The following TOGARAM1 variants were observed in gnomAD, a reference collection of about 807,000 sequenced individuals.
TOGARAM1 encodes the protein TOG array regulator of axonemal microtubules protein 1.
TOGARAM1 carries 100 observed loss-of-function variants against 166.6 expected under a neutral mutation model. The observed-to-expected ratio is 0.60, with a 90% confidence interval of 0.51 to 0.71. The LOEUF is 0.71. Ranked by LOEUF, TOGARAM1 falls within the 30% of genes least tolerant of loss-of-function variation. The pLI is 0.00. For synonymous variants in TOGARAM1, 758 were observed against 763.8 expected, an observed-to-expected ratio of 0.99 and a Z score of 0.13; for missense variants, 2,029 against 2,102.7, an observed-to-expected ratio of 0.96 and a Z score of 0.69.
intron 2 of TOGARAM1, among the ~76,000 whole-genome samples, chr14:44,997,616 A>G (rs982962438): frequency 3.9e-5 from 6 of 152,086 alleles, no homozygotes; most frequent in Non-Finnish European, 5.9e-5. Context: ...GGTCATTGTC[A>G]TTGACCATAA....
intron 11 of TOGARAM1, among the ~76,000 whole-genome samples, chr14:45,039,856 A>T (rs997835678): frequency 6.6e-6 from 1 of 152,054 alleles, no homozygotes; most frequent in Non-Finnish European, 1.5e-5. Context: ...CATGGCTCCC[A>T]CCTGTTCCTG....
chr14:45,055,999 C>G (rs114669325), intron 16 of TOGARAM1, among the ~76,000 whole-genome samples: 2,848 of 150,588 alleles, frequency 0.019, 33 homozygotes, highest in African/African-American at 0.038. Context: ...TTATTCTGAT[C>G]CATGAACCTG....
chr14:44,963,468 G>T lies in TOGARAM1; in HGVS notation c.1047G>T (p.Gly349=), dbSNP rs146726595. The change falls in exon 1 of 20, where the codon GGG becomes GGT. Residue 349 remains glycine (G), a synonymous_variant. Transcript: ENST00000361462. ...VTLSNSNLKF[G]IIPQELHSRL... is the part of the protein sequence containing the mutation. ...TTTCCAACAGCAATCTTAAATTTGG[G>T]ATTATTCCTCAGGAGCTGCATTCAC... 6.2e-7 allele frequency: 1 copy of T among 1,614,140 alleles called. No homozygotes were observed. The highest frequency in any genetic ancestry group is 8.5e-7 in the Non-Finnish European group (1 of 1,180,030).
chr14:44,982,801 C>T (rs947708184), intron 1 of TOGARAM1, among the ~76,000 whole-genome samples: 1 of 152,180 alleles, frequency 6.6e-6, no homozygotes, highest in Non-Finnish European at 1.5e-5. Context: ...TAGTATTTAG[C>T]ACATGTGAGT....
intron 11 of TOGARAM1, among the ~76,000 whole-genome samples, chr14:45,035,162 G>A (rs1254723352): frequency 2.0e-5 from 3 of 152,050 alleles, no homozygotes; most frequent in Non-Finnish European, 4.4e-5. Flanking sequence ...ATGAAACAAT[G>A]AAGCCTGACC....
At chr14:45,055,748 G>A (rs1882597811) in intron 16 of TOGARAM1, among the ~76,000 whole-genome samples, 1 of 146,290 alleles carries the variant, frequency 6.8e-6, no homozygotes, top group Non-Finnish European at 1.5e-5. Context: ...AGGTTGCAGT[G>A]AGCTGAGATC....
intron 7 of TOGARAM1, among the ~76,000 whole-genome samples, chr14:45,016,465 A>G (rs1460936429): frequency 1.3e-5 from 2 of 152,196 alleles, no homozygotes; most frequent in African/African-American, 2.4e-5. Flanking sequence ...GCGGATCACG[A>G]GGTCAGGAGT....
chr14:44,969,885 C>T (rs943037682), intron 1 of TOGARAM1, among the ~76,000 whole-genome samples: 3 of 152,156 alleles, frequency 2.0e-5, no homozygotes, highest in Non-Finnish European at 4.4e-5. Flanking sequence ...GGGCTCTTTA[C>T]TCTGCTCCAT....
intron 16 of TOGARAM1, among the ~76,000 whole-genome samples, chr14:45,063,869 G>A (rs561657862): frequency 1.3e-5 from 2 of 152,142 alleles, no homozygotes; most frequent in African/African-American, 4.8e-5. Context: ...TCCTTGACCT[G>A]CCTAACCCAG....
chr14:45,066,614 A>G lies in TOGARAM1; in HGVS notation c.4596A>G (p.Ser1532=), dbSNP rs376160684. 18 of 1,610,740 alleles carry G rather than the reference A, an allele frequency of 1.1e-5. No homozygotes were observed. Among genetic ancestry groups the G allele is most frequent in the Non-Finnish European group, 1.5e-5 (18 of 1,177,824 alleles). The change falls in exon 17 of 20, where the codon TCA becomes TCG. Residue 1532 remains serine, a synonymous_variant. Transcript: ENST00000361462. The stretch of plus-strand genomic sequence containing the variant: ...AAGTTCGTGAAGTCACCAGAAAATC[A>G]GTCCCTCGTAATTCCTTAGAAAGTG... ...VTEVREVTRK[S]VPRNSLESAE...
intron 10 of TOGARAM1, among the ~76,000 whole-genome samples, chr14:45,029,812 T>G (rs1881054838): frequency 6.6e-6 from 1 of 152,002 alleles, no homozygotes; most frequent in African/African-American, 2.4e-5. Context: ...ATAGTGGAAG[T>G]TTTGTTGTTT....
rs60368970 is a variant in TOGARAM1 at position 45,070,910 on chromosome 14, CTGTTGTTGT to C, written c.4970-782_4970-774del. Among the ~76,000 whole-genome samples the C allele has an allele frequency of 3.8e-4, 57 of 151,646 alleles. 1 individual carries two copies. Among genetic ancestry groups the C allele is most frequent in the African/African-American group, 8.7e-4 (36 of 41,356 alleles). ...AAATGTAAAAACTGCTTCCCTTTTT[CTGTTGTTGT>C]TGTTGTTGTTGTTGTTGTTTTGAGA... On this transcript the variant is annotated intron_variant, in intron 18 of 19. Transcript: ENST00000361462.
At chr14:45,051,886 G>T (rs1257886040) in intron 14 of TOGARAM1, among the ~76,000 whole-genome samples, 4 of 152,154 alleles carry the variant, frequency 2.6e-5, no homozygotes, top group African/African-American at 9.6e-5. Flanking sequence ...TTACAATGAG[G>T]TTATATCCCA....
intron 8 of TOGARAM1, among the ~76,000 whole-genome samples, chr14:45,026,560 C>T (rs1877044): frequency 0.27 from 41,133 of 152,022 alleles, 6,867 homozygotes; most frequent in East Asian, 0.56. Context: ...CTCATTTATT[C>T]GCTCCACATA....
At chr14:45,027,694 G>A (rs1438031389) in intron 9 of TOGARAM1, among the ~76,000 whole-genome samples, 1 of 151,912 alleles carries the variant, frequency 6.6e-6, no homozygotes, top group African/African-American at 2.4e-5. Flanking sequence ...AAAGTAGAGA[G>A]CCTATTTTCT....
At position 44,962,347 on chromosome 14, in the gene TOGARAM1, TG is replaced by T; in HGVS notation, c.-73del. On this transcript the variant is annotated 5_prime_UTR_variant, in exon 1 of 20. Transcript: ENST00000361462. ...TGCAGCTTGGGGCTTGGAGAGGATC[TG>T]GAAGTCTGGGCTCCATCGAGCCCTT... 2 of 1,472,000 alleles carry T rather than the reference TG, an allele frequency of 1.4e-6. No homozygotes were observed. The highest frequency in any genetic ancestry group is 2.8e-5 in the African/African-American group (2 of 70,868). The allele number at this position is 1,472,000 out of a possible 1,614,324, so 91.2% of individuals were successfully genotyped here. A position where few individuals can be genotyped will look rare whatever the true frequency, so the allele number is the denominator to read the frequency against.
intron 1 of TOGARAM1, among the ~76,000 whole-genome samples, chr14:44,985,882 G>A (rs1886767267): frequency 6.6e-6 from 1 of 152,154 alleles, no homozygotes; most frequent in Non-Finnish European, 1.5e-5. Flanking sequence ...AATTGTTCAG[G>A]ATCTAAAGAG....
chr14:44,999,708 T>G (rs1156377027), intron 3 of TOGARAM1, among the ~76,000 whole-genome samples: 1 of 152,218 alleles, frequency 6.6e-6, no homozygotes, highest in Non-Finnish European at 1.5e-5. Flanking sequence ...AATTAGAGTT[T>G]AGATACTCAT....
At chr14:45,027,592 A>G in intron 9 of TOGARAM1, 118 bp downstream of exon 9, 1 of 826,360 alleles carries the variant, frequency 1.2e-6, no homozygotes, top group Non-Finnish European at 1.7e-6. Context: ...ATCTTAGTAC[A>G]GTTGAAATTT....
Sources: gnomAD v4.1 joint callset for allele counts (sites outside exome capture counted in the v4.1 genomes callset) on GRCh38, gnomAD v4.1.1 for gene constraint, MANE v1.5 for transcripts, NCBI Gene and HGNC (gene_info 2026-07-23, HGNC 2026-07-21) for gene names.